GABRA4: variants seen among roughly 807,000 people sequenced by gnomAD.
GABRA4 encodes gamma-aminobutyric acid type A receptor subunit alpha4.
A neutral mutation model predicts 49.7 loss-of-function variants in GABRA4; 12 were observed. That is an observed-to-expected ratio of 0.24 (90% CI 0.15 to 0.39). The LOEUF is 0.39. GABRA4 is among the 10% of genes least tolerant of loss of function. The pLI, the probability that GABRA4 is intolerant of heterozygous loss-of-function variation, is 1.00. For synonymous variants in GABRA4, 288 were observed against 240.2 expected (o/e 1.20, Z -1.84); for missense variants, 506 against 686.0 (o/e 0.74, Z 2.93).
chr4:46,977,694 A>G (rs1362164617), intron 3 of GABRA4, 64 bp from the exon 4 acceptor site: 3 of 1,083,546 alleles, frequency 2.8e-6, no homozygotes, highest in South Asian at 1.5e-5. Flanking sequence ...TGTGAAAATA[A>G]TGCATTAAAT....
intron 8 of GABRA4, among the ~76,000 whole-genome samples, chr4:46,963,007 T>C (rs553668912): frequency 6.6e-6 from 1 of 151,830 alleles, no homozygotes; most frequent in East Asian, 2.0e-4. Context: ...AAGAAAACAT[T>C]GAGGGAAATC....
chr4:46,922,157 T>G lies in GABRA4; in HGVS notation c.*6068A>C, dbSNP rs1268984057. 6.6e-6 allele frequency: 1 copy of G among 151,994 alleles called. No homozygotes were observed. Among genetic ancestry groups the G allele is most frequent in the East Asian group, 1.9e-4 (1 of 5,188 alleles). The allele number at this position is 151,994 out of a possible 1,614,324, so 9.4% of individuals were successfully genotyped here. ...ATAATATAGAATACTAAGGCTAATG[T>G]GGGGAAGGGGGTGGGACTACAAGCA... On this transcript the variant is annotated 3_prime_UTR_variant, in exon 9 of 9. Coordinates refer to ENST00000264318, the MANE Select transcript of GABRA4 (RefSeq NM_000809.4).
rs958829231 is a variant in GABRA4 at position 46,926,953 on chromosome 4, C to T, written c.*1272G>A. 5 of 151,776 alleles carry T rather than the reference C, an allele frequency of 3.3e-5. No homozygotes were observed. The highest frequency in any genetic ancestry group is 7.4e-5 in the Non-Finnish European group (5 of 67,852). The allele number at this position is 151,776 out of a possible 1,614,324, so 9.4% of individuals were successfully genotyped here. A position where few individuals can be genotyped will look rare whatever the true frequency, so the allele number is the denominator to read the frequency against. On this transcript the variant is annotated 3_prime_UTR_variant, in exon 9 of 9. Coordinates refer to ENST00000264318, the MANE Select transcript of GABRA4 (RefSeq NM_000809.4). The stretch of plus-strand genomic sequence containing the variant: ...AACCTTAAAAAAACTCCCAAAAAAA[C>T]CAACATGATGACTGCCCAGAATTAC...
chr4:46,948,213 A>G (rs1722048441), intron 8 of GABRA4, among the ~76,000 whole-genome samples: 1 of 152,048 alleles, frequency 6.6e-6, no homozygotes, highest in Non-Finnish European at 1.5e-5. Context: ...CATCCAGGTG[A>G]TCTGAAAAAA....
chr4:46,984,361 T>C (rs184815048), intron 2 of GABRA4, among the ~76,000 whole-genome samples: 1 of 152,150 alleles, frequency 6.6e-6, no homozygotes, highest in East Asian at 1.9e-4. Flanking sequence ...CATTAATAAA[T>C]CTCTTTGCTT....
intron 2 of GABRA4, among the ~76,000 whole-genome samples, chr4:46,983,296 A>C (rs1723421184): frequency 6.6e-6 from 1 of 152,086 alleles, no homozygotes; most frequent in Non-Finnish European, 1.5e-5. Flanking sequence ...TTAGTTTCTG[A>C]AGTATTTTCT....
At chr4:46,965,307 C>T in intron 7 of GABRA4, 78 bp from the exon 8 acceptor site, 1 of 1,237,740 alleles carries the variant, frequency 8.1e-7, no homozygotes. Flanking sequence ...CCAACAAAAA[C>T]CTAGAAAATC....
At chr4:46,981,911 A>C (rs896928326) in intron 2 of GABRA4, among the ~76,000 whole-genome samples, 6 of 152,102 alleles carry the variant, frequency 3.9e-5, no homozygotes, top group Non-Finnish European at 8.8e-5. Flanking sequence ...CAAGAGGACA[A>C]GATCAAAGAC....
At chr4:46,966,589 G>T (rs914306418) in intron 7 of GABRA4, among the ~76,000 whole-genome samples, 2 of 151,608 alleles carry the variant, frequency 1.3e-5, no homozygotes, top group Admixed American at 6.6e-5. Flanking sequence ...ATTGCTTCAG[G>T]TTTATAATAT....
chr4:46,955,858 A>G (rs559898314), intron 8 of GABRA4, among the ~76,000 whole-genome samples: 1 of 152,230 alleles, frequency 6.6e-6, no homozygotes, highest in Admixed American at 6.6e-5. Flanking sequence ...TACAGCCACT[A>G]ACAAGATTAA....
intron 8 of GABRA4, among the ~76,000 whole-genome samples, chr4:46,939,831 T>C (rs1236279569): frequency 6.6e-6 from 1 of 151,966 alleles, no homozygotes; most frequent in Admixed American, 6.6e-5. Context: ...GTGAAAATTG[T>C]TCTAGGTTCT....
intron 1 of GABRA4, 59 bp from the exon 2 acceptor site, chr4:46,993,005 G>A: frequency 3.9e-6 from 5 of 1,292,792 alleles, no homozygotes; most frequent in Non-Finnish European, 5.6e-6. Flanking sequence ...ATCCATCAGA[G>A]AACAGGTGCA....
rs772564024 is a variant in GABRA4 at position 46,993,375 on chromosome 4, C to G, written c.50G>C (p.Ser17Thr). Residue 17 changes from serine (S) to threonine (T), a missense_variant, in exon 1 of 9, where the codon AGT becomes ACT. Transcript: ENST00000264318. The stretch of plus-strand genomic sequence containing the variant: ...GCACAGGAAGCGCAGGAGGGCGAAA[C>G]TGACCCCGGCGGACAGAGCGATCGC... Reference protein sequence around the residue: ...VPAIALSAGVSFALLRFLCLA... With the variant: ...VPAIALSAGVTFALLRFLCLA... The G allele has an allele frequency of 2.5e-6, 4 of 1,614,256 alleles. No homozygotes were observed. The Admixed American group carries it at 6.7e-5, about 27-fold the overall frequency.
intron 6 of GABRA4, among the ~76,000 whole-genome samples, chr4:46,973,344 A>AG (rs1553905477): frequency 5.9e-5 from 9 of 151,720 alleles, no homozygotes; most frequent in Non-Finnish European, 1.2e-4. Context: ...AAGAGGCCCC[A>AG]GTGTGAGCAC....
chr4:46,977,582 A>G lies in GABRA4; in HGVS notation c.322T>C (p.Leu108=). The G allele has an allele frequency of 6.2e-7, 1 of 1,613,074 alleles. No individual in the cohort carries two copies. Among genetic ancestry groups the G allele is most frequent in the South Asian group, 1.1e-5 (1 of 91,016 alleles). ...ATTTCAATGGGGCCGTCATATTTTA[A>G]TCTTTTGTCAATCCATGTCTGCCTG... ...FFRQTWIDKR[L]KYDGPIEILR... Residue 108 remains leucine, a synonymous_variant, in exon 4 of 9, where the codon TTA becomes CTA. Transcript: ENST00000264318.
chr4:46,962,389 T>A (rs1722610681), intron 8 of GABRA4, among the ~76,000 whole-genome samples: 1 of 151,828 alleles, frequency 6.6e-6, no homozygotes, highest in African/African-American at 2.4e-5. Context: ...ACCTAGGAAT[T>A]AACTTTACCA....
rs558612492 is a variant in GABRA4, at chr4:46,924,667, G to A, written c.*3558C>T. The A allele has an allele frequency of 2.0e-5, 3 of 152,084 alleles. No homozygotes were observed. In the South Asian group the frequency reaches 6.2e-4, roughly 32 times the overall value. 9.4% of individuals were successfully genotyped at this position (152,084 alleles called of 1,614,324 possible). A position where few individuals can be genotyped will look rare whatever the true frequency, so the allele number is the denominator to read the frequency against. ...ATGGAGAGATGTTATATATATTTTTGAAGGTAGGGAAACCTTAGTTTGAAG... is the reference window on the plus strand; with the variant it reads ...ATGGAGAGATGTTATATATATTTTTAAAGGTAGGGAAACCTTAGTTTGAAG... On this transcript the variant is annotated 3_prime_UTR_variant, in exon 9 of 9. Transcript: ENST00000264318.
intron 8 of GABRA4, among the ~76,000 whole-genome samples, chr4:46,952,777 A>AT (rs1201403793): frequency 1.3e-5 from 2 of 152,056 alleles, no homozygotes; most frequent in Admixed American, 6.6e-5. Context: ...TTTGAAGCTG[A>AT]TTTTTTCCAT....
rs1450386157 is a variant in GABRA4 at position 46,970,569 on chromosome 4, AAG to A, written c.874+512_874+513del. The stretch of plus-strand genomic sequence containing the variant: ...AAGAAAAACCAATGTTTAGAAAAAA[AAG>A]AAGTAAGTAAATATATGAGCTTATA... On this transcript the variant is annotated intron_variant, in intron 7 of 8. Coordinates refer to ENST00000264318, the MANE Select transcript of GABRA4 (RefSeq NM_000809.4). 4.0e-5 allele frequency among the ~76,000 whole-genome samples: 6 copies of A among 151,628 alleles called. 1 individual carries two copies. The highest frequency in any genetic ancestry group is 1.3e-4 in the Admixed American group (2 of 15,158).
Sources: gnomAD v4.1 joint callset for allele counts (sites outside exome capture counted in the v4.1 genomes callset) on GRCh38, gnomAD v4.1.1 for gene constraint, MANE v1.5 for transcripts, NCBI Gene and HGNC (gene_info 2026-07-23, HGNC 2026-07-21) for gene names.